Variants in OTOF observed in about 807,000 individuals in gnomAD.
OTOF encodes otoferlin, also known as fer-1-like family member 2.
In OTOF, 218 loss-of-function variants were observed where a neutral mutation model predicts 236.8. That is an observed-to-expected ratio of 0.92 (90% CI 0.82 to 1.03). OTOF has a LOEUF of 1.03. Ranked by LOEUF, OTOF falls within the 50% of genes least tolerant of loss-of-function variation. The pLI, the probability that OTOF is intolerant of heterozygous loss-of-function variation, is 0.00. For missense variants in OTOF, 2,590 were observed against 2,694.4 expected (o/e 0.96, Z 0.86); for synonymous variants, 1,041 against 1,072.5 (o/e 0.97, Z 0.57).
chr2:26,474,563 G>A lies in OTOF; in HGVS notation c.3238C>T (p.Arg1080Cys), dbSNP rs368151410. The part of the protein sequence containing the change: ...PPQLEYYQIY[R>C]GNATAGDLLA... ...AGGTCTCCAGCTGTGGCGTTGCCAC[G>A]GTAGATCTGGTAGTACTCGAGCTGA... Residue 1080 changes from arginine to cysteine, a missense_variant, in exon 26 of 47, where the codon CGT (arginine) becomes TGT (cysteine). Coordinates refer to ENST00000272371, the MANE Select transcript of OTOF (RefSeq NM_194248.3). The A allele has an allele frequency of 1.1e-5, 17 of 1,612,938 alleles. No individual in the cohort carries two copies. The highest frequency in any genetic ancestry group is 8.3e-5 in the Admixed American group (5 of 59,990).
At position 26,472,511 on chromosome 2, in the gene OTOF, C is replaced by T. The variant is rs753836357; in HGVS notation, c.3864+8G>A. On this transcript the variant is annotated splice_region_variant and intron_variant, in intron 30 of 46. Transcript: ENST00000272371. The stretch of plus-strand genomic sequence containing the variant: ...CAGCCAGCAGGGGGCTGACCCCACC[C>T]GCCTTACCGCGTCCAGCTTCACCAT... The T allele has an allele frequency of 1.5e-5, 25 of 1,613,282 alleles. No individual in the cohort carries two copies. Among genetic ancestry groups the T allele is most frequent in the Non-Finnish European group, 1.9e-5 (22 of 1,179,994 alleles).
At chr2:26,555,453 C>G (rs552223448) in intron 1 of OTOF, among the ~76,000 whole-genome samples, 9 of 152,386 alleles carry the variant, frequency 5.9e-5, no homozygotes, top group African/African-American at 1.9e-4. Flanking sequence ...AATGCATGAA[C>G]AGGGCAGCAC....
intron 2 of OTOF, among the ~76,000 whole-genome samples, chr2:26,532,860 G>A (rs1331630103): frequency 6.6e-6 from 1 of 152,196 alleles, no homozygotes; most frequent in Non-Finnish European, 1.5e-5. Context: ...ATTATGTCCA[G>A]CTTGGCCGCT....
Position 26,466,339 on chromosome 2 carries a change from CTTTT to C in OTOF, c.4501-267_4501-264del. ...GGCTGTCAGTATGCAGCTTCTTCTT[CTTTT>C]TTTTTTCCTTTGAGACAGAGTCTCG... On this transcript the variant is annotated intron_variant, in intron 36 of 46. Coordinates refer to ENST00000272371, the MANE Select transcript of OTOF (RefSeq NM_194248.3). 3 of 499,466 alleles carry C rather than the reference CTTTT, an allele frequency of 6.0e-6. No homozygotes were observed. In the South Asian group the frequency reaches 6.9e-5, roughly 12 times the overall value. 30.9% of individuals were successfully genotyped at this position (499,466 alleles called of 1,614,324 possible).
chr2:26,496,786 G>A (rs78748311), intron 8 of OTOF, among the ~76,000 whole-genome samples: 3,674 of 152,074 alleles, frequency 0.024, 150 homozygotes, highest in African/African-American at 0.084. Flanking sequence ...GTTGCCAGGT[G>A]TGAGGGCAAA....
chr2:26,526,017 G>T (rs1050856526), intron 3 of OTOF, among the ~76,000 whole-genome samples: 2 of 151,082 alleles, frequency 1.3e-5, no homozygotes, highest in African/African-American at 4.9e-5. Context: ...AACCAGAGAG[G>T]CGGAGGTTGC....
At chr2:26,554,983 A>T (rs1321578696) in intron 1 of OTOF, among the ~76,000 whole-genome samples, 1 of 152,140 alleles carries the variant, frequency 6.6e-6, no homozygotes, top group Non-Finnish European at 1.5e-5. Flanking sequence ...TTGGCCCTGG[A>T]CTGTCTGTCA....
In OTOF at chr2:26,461,068, CTGGGG is replaced by C; in HGVS notation, c.5534-43_5534-39del. ...CAGTGTCAGCTCAGAGTGAACAGGG[CTGGGG>C]TGGGGCGGGGTGGGGGTGGGGGTCT... On this transcript the variant is annotated intron_variant, in intron 43 of 46. Transcript: ENST00000272371. The surrounding 1 kb of genome is among the most constrained non-coding windows in gnomAD (Gnocchi z 6.2). The C allele has an allele frequency of 1.2e-5, 4 of 343,594 alleles. No individual in the cohort carries two copies. Among genetic ancestry groups the C allele is most frequent in the Non-Finnish European group, 1.7e-5 (3 of 179,018 alleles). 21.3% of individuals were successfully genotyped at this position (343,594 alleles called of 1,614,324 possible).
rs755346088 is a variant in OTOF, at chr2:26,458,002, G to C, written c.*236C>G. The stretch of plus-strand genomic sequence containing the variant: ...AGTCCAAGCCACTGAAAGGAAATGC[G>C]GCAGGGCTGGGGAGCGGCTGGCGGG... On this transcript the variant is annotated 3_prime_UTR_variant, in exon 47 of 47. Coordinates refer to ENST00000272371, the MANE Select transcript of OTOF (RefSeq NM_194248.3). 6.3e-7 allele frequency: 1 copy of C among 1,591,268 alleles called. No homozygotes were observed. The highest frequency in any genetic ancestry group is 1.7e-5 in the Admixed American group (1 of 59,230).
At chr2:26,483,408 C>T in intron 13 of OTOF, 54 bp downstream of exon 13, 3 of 1,533,060 alleles carry the variant, frequency 2.0e-6, no homozygotes, top group South Asian at 2.2e-5. Context: ...CATCAGCCTG[C>T]CCTTGTGATA....
intron 1 of OTOF, among the ~76,000 whole-genome samples, chr2:26,548,420 C>A (rs1667384472): frequency 6.6e-6 from 1 of 152,166 alleles, no homozygotes. Context: ...ATCACCACTA[C>A]CTAATTCCAG....
intron 1 of OTOF, among the ~76,000 whole-genome samples, chr2:26,555,190 G>C (rs1056961506): frequency 6.6e-6 from 1 of 152,222 alleles, no homozygotes; most frequent in Non-Finnish European, 1.5e-5. Flanking sequence ...CTGTGGTCAA[G>C]ATGGCTCCTT....
chr2:26,478,358 G>A (rs1240798750), intron 18 of OTOF, among the ~76,000 whole-genome samples: 8 of 152,234 alleles, frequency 5.3e-5, no homozygotes, highest in Admixed American at 5.2e-4. Flanking sequence ...GGAGGACATT[G>A]GCAGGGGGCT....
At position 26,459,948 on chromosome 2, in the gene OTOF, G is replaced by GTATA. The variant is rs150188422; in HGVS notation, c.*17+59_*17+60insTATA. 3.4e-6 allele frequency: 5 copies of GTATA among 1,463,424 alleles called. No individual in the cohort carries two copies. The African/African-American group carries it at 7.0e-5, about 21-fold the overall frequency. The allele number at this position is 1,463,424 out of a possible 1,614,324, so 90.7% of individuals were successfully genotyped here. A position where few individuals can be genotyped will look rare whatever the true frequency, so the allele number is the denominator to read the frequency against. ...TTTGTGGATGTGTGCGTGTATATGT[G>GTATA]TGTGTGTGCACGCGCCTGCCTAGCC... On this transcript the variant is annotated intron_variant, in intron 46 of 46. Transcript: ENST00000272371.
At chr2:26,512,480 G>A (rs1346106753) in intron 5 of OTOF, among the ~76,000 whole-genome samples, 1 of 152,216 alleles carries the variant, frequency 6.6e-6, no homozygotes, top group East Asian at 1.9e-4. Flanking sequence ...CAGAGACTAG[G>A]GCAGGCATAC....
intron 11 of OTOF, 94 bp downstream of exon 11, chr2:26,489,116 CT>C: frequency 4.4e-6 from 4 of 912,806 alleles, no homozygotes; most frequent in Non-Finnish European, 5.2e-6. Flanking sequence ...CCTTGCCAGC[CT>C]TTTCCCAGGA....
At position 26,473,239 on chromosome 2, in the gene OTOF, C is replaced by A. The variant is rs1483798432; in HGVS notation, c.3626G>T (p.Cys1209Phe). 1.2e-6 allele frequency: 2 copies of A among 1,613,418 alleles called. No individual in the cohort carries two copies. The highest frequency in any genetic ancestry group is 2.2e-5 in the East Asian group (1 of 44,880). ...CAGTGTGTAGCGACCGAAGGCCCGGCAGTCCACCACACGGATGTTCAAGGG... is the reference window on the plus strand; with the variant it reads ...CAGTGTGTAGCGACCGAAGGCCCGGAAGTCCACCACACGGATGTTCAAGGG... The part of the protein sequence containing the change: ...HPPLNIRVVD[C>F]RAFGRYTLVG... The change falls in exon 29 of 47, where the codon TGC becomes TTC. Residue 1209 changes from cysteine (C) to phenylalanine (F), a missense_variant. This residue lies in a region of OTOF where 1,211 missense variants were observed against 1,352.8 expected (regional missense o/e 0.90). Coordinates refer to ENST00000272371, the MANE Select transcript of OTOF (RefSeq NM_194248.3). The surrounding 1 kb of genome is among the most constrained non-coding windows in gnomAD (Gnocchi z 7.2).
chr2:26,538,513 TG>T (rs1239509930), intron 1 of OTOF, among the ~76,000 whole-genome samples: 4 of 152,220 alleles, frequency 2.6e-5, no homozygotes, highest in Non-Finnish European at 4.4e-5. Flanking sequence ...TAGGGCATGT[TG>T]GGAGCACAGA....
Position 26,484,608 on chromosome 2 carries a change from G to T in OTOF, c.1071C>A (p.Ala357=), listed in dbSNP as rs767723798. 1.1e-5 allele frequency: 17 copies of T among 1,613,750 alleles called. No homozygotes were observed. In the African/African-American group the frequency reaches 1.9e-4, roughly 18 times the overall value. Residue 357 remains alanine (A), a synonymous_variant, in exon 12 of 47, where the codon GCC becomes GCA. Transcript: ENST00000272371. The part of the protein sequence containing the change: ...QPEHQFHHKW[A]ILSDPDDISS... ...AGATGTCATCGGGGTCAGACAGGAT[G>T]GCCCACTTGTGATGGAACTGGTGCT...
Sources: gnomAD v4.1 joint callset for allele counts (sites outside exome capture counted in the v4.1 genomes callset) on GRCh38, gnomAD v4.1.1 for gene constraint, gnomAD v4.1.1 regional missense constraint, Gnocchi (gnomAD v3.1) non-coding constraint, MANE v1.5 for transcripts, NCBI Gene and HGNC (gene_info 2026-07-23, HGNC 2026-07-21) for gene names.